The following GSTCD variants were observed in gnomAD, a reference collection of about 807,000 sequenced individuals.
The protein encoded by GSTCD is glutathione S-transferase C-terminal domain containing.
Under a neutral mutation model 68.3 loss-of-function variants are expected in GSTCD, and 44 were observed. The ratio of observed to expected loss-of-function variants is 0.64; its 90% CI spans 0.51 to 0.83. The LOEUF is 0.83. Ranked by LOEUF, GSTCD falls within the 40% of genes least tolerant of loss-of-function variation. GSTCD has a pLI of 0.00. For missense variants in GSTCD, 739 were observed against 735.9 expected, an observed-to-expected ratio of 1.00 and a Z score of -0.05; for synonymous variants, 273 against 255.2, an observed-to-expected ratio of 1.07 and a Z score of -0.67.
intron 8 of GSTCD, among the ~76,000 whole-genome samples, chr4:105,826,440 TTAAA>T (rs1723612289): frequency 6.6e-6 from 1 of 152,080 alleles, no homozygotes; most frequent in Non-Finnish European, 1.5e-5. Context: ...TATATTTGCT[TTAAA>T]TAATTTTTTT....
In GSTCD at chr4:105,825,773, A is replaced by G. The variant is rs772856722; in HGVS notation, c.1503A>G (p.Glu501=). The G allele has an allele frequency of 6.5e-7, 1 of 1,546,556 alleles. No homozygotes were observed. The highest frequency in any genetic ancestry group is 1.1e-5 in the South Asian group (1 of 88,770). The change falls in exon 8 of 12, where the codon GAA becomes GAG. Residue 501 remains glutamate (E), a synonymous_variant. Transcript: ENST00000515279. ...SNIWFIQANM[E]YFTGMFNIGV... ...TTTGGTTCATTCAAGCAAATATGGA[A>G]TATTTTACTGGGATGTTTAATATTG...
chr4:105,786,846 T>C (rs1252081705), intron 5 of GSTCD, among the ~76,000 whole-genome samples: 1 of 152,044 alleles, frequency 6.6e-6, no homozygotes, highest in African/African-American at 2.4e-5. Context: ...TAATAACAAA[T>C]GTTGGCCAGA....
intron 5 of GSTCD, among the ~76,000 whole-genome samples, chr4:105,733,143 G>T (rs1242405578): frequency 6.6e-6 from 1 of 152,190 alleles, no homozygotes; most frequent in Non-Finnish European, 1.5e-5. Flanking sequence ...GTGGTGTGGT[G>T]CTGAGAAAAA....
At chr4:105,782,705 C>G (rs1270102211) in intron 5 of GSTCD, among the ~76,000 whole-genome samples, 1 of 151,962 alleles carries the variant, frequency 6.6e-6, no homozygotes, top group Non-Finnish European at 1.5e-5. Context: ...GCCTCAGGTC[C>G]CCTAGTAGCT....
intron 8 of GSTCD, chr4:105,827,013 A>G (rs1269979559): frequency 6.6e-6 from 1 of 152,182 alleles, no homozygotes; most frequent in Non-Finnish European, 1.5e-5. Flanking sequence ...CTTTGCAGAC[A>G]CGATCTACAG....
chr4:105,765,885 G>A (rs561840911), intron 5 of GSTCD, among the ~76,000 whole-genome samples: 32 of 152,178 alleles, frequency 2.1e-4, no homozygotes, highest in East Asian at 9.7e-4. Flanking sequence ...TTCCCCTTCC[G>A]CCAGGATTGT....
At chr4:105,789,199 A>G (rs1487164943) in intron 5 of GSTCD, among the ~76,000 whole-genome samples, 1 of 152,196 alleles carries the variant, frequency 6.6e-6, no homozygotes, top group Non-Finnish European at 1.5e-5. Flanking sequence ...AAGCTCGTTT[A>G]AACCAAACTC....
At position 105,823,089 on chromosome 4, in the gene GSTCD, A is replaced by G. The variant is rs745308291; in HGVS notation, c.1356+20A>G. The G allele has an allele frequency of 6.3e-7, 1 of 1,593,506 alleles. No individual in the cohort carries two copies. The highest frequency in any genetic ancestry group is 8.6e-7 in the Non-Finnish European group (1 of 1,161,582). ...GGTGGGGTATTTTATCTCTCCTTTC[A>G]TCCTTTTTAGTCTTTCTAAGATTAT... On this transcript the variant is annotated intron_variant, in intron 6 of 11. Coordinates refer to ENST00000515279, the MANE Select transcript of GSTCD (RefSeq NM_001370181.1).
chr4:105,771,674 G>A (rs933641858), intron 5 of GSTCD, among the ~76,000 whole-genome samples: 11 of 152,056 alleles, frequency 7.2e-5, no homozygotes, highest in Non-Finnish European at 1.0e-4. Context: ...AAGATCAGAC[G>A]GTTGTAGATG....
intron 5 of GSTCD, among the ~76,000 whole-genome samples, chr4:105,822,602 A>G (rs1723357647): frequency 6.6e-6 from 1 of 152,142 alleles, no homozygotes; most frequent in Admixed American, 6.6e-5. Flanking sequence ...CATTCTGCCA[A>G]CATTAATTGG....
At chr4:105,840,088 G>C (rs891143687) in intron 10 of GSTCD, 17 of 394,432 alleles carry the variant, frequency 4.3e-5, no homozygotes, top group Admixed American at 3.3e-4. Context: ...CCTACCATGT[G>C]CCTTGCCCTT....
chr4:105,845,337 C>G, intron 11 of GSTCD, 104 bp from the exon 12 acceptor site: 1 of 1,221,000 alleles, frequency 8.2e-7, no homozygotes, highest in Non-Finnish European at 1.2e-6. Context: ...AAAGCATGCT[C>G]CATAGTACTT....
At chr4:105,813,397 A>G (rs1429299096) in intron 5 of GSTCD, among the ~76,000 whole-genome samples, 3 of 152,214 alleles carry the variant, frequency 2.0e-5, no homozygotes, top group African/African-American at 4.8e-5. Context: ...TTCCATGCAT[A>G]AGTACTTATT....
chr4:105,844,245 G>A (rs1267995193), intron 11 of GSTCD, among the ~76,000 whole-genome samples: 1 of 152,012 alleles, frequency 6.6e-6, no homozygotes. Flanking sequence ...ATTTACAGAT[G>A]TCTTAAAGGA....
chr4:105,772,182 T>C (rs1471665893), intron 5 of GSTCD, among the ~76,000 whole-genome samples: 1 of 152,186 alleles, frequency 6.6e-6, no homozygotes, highest in East Asian at 1.9e-4. Flanking sequence ...TATTGGTGCA[T>C]AGCAATGCTT....
rs1578529727 is a variant in GSTCD at position 105,842,229 on chromosome 4, G to T, written c.1765+95G>T. 6 of 909,272 alleles carry T rather than the reference G, an allele frequency of 6.6e-6. No homozygotes were observed. In the East Asian group the frequency reaches 1.5e-4, roughly 23 times the overall value. 56.3% of individuals were successfully genotyped at this position (909,272 alleles called of 1,614,324 possible). ...CTATATGGGAAAAATTTAGCAACAT[G>T]AAGTCTATTTTTCAATGAGAAACTA... On this transcript the variant is annotated intron_variant, in intron 11 of 11. Coordinates refer to ENST00000515279, the MANE Select transcript of GSTCD (RefSeq NM_001370181.1).
At chr4:105,735,537 G>A (rs1733431480) in intron 5 of GSTCD, among the ~76,000 whole-genome samples, 1 of 152,196 alleles carries the variant, frequency 6.6e-6, no homozygotes, top group South Asian at 2.1e-4. Flanking sequence ...CACTGTATTA[G>A]GGTGGGAGTG....
At chr4:105,709,288 T>G (rs1432464748) in intron 1 of GSTCD, 2 of 152,504 alleles carry the variant, frequency 1.3e-5, no homozygotes, top group Non-Finnish European at 2.9e-5. Flanking sequence ...CTTCCTCTGC[T>G]GATGGAGAAA....
chr4:105,736,959 T>C (rs1321822528), intron 5 of GSTCD, among the ~76,000 whole-genome samples: 1 of 152,184 alleles, frequency 6.6e-6, no homozygotes, highest in African/African-American at 2.4e-5. Context: ...CCATCATATA[T>C]ATGTACCACA....
Sources: gnomAD v4.1 joint callset for allele counts (sites outside exome capture counted in the v4.1 genomes callset) on GRCh38, gnomAD v4.1.1 for gene constraint, MANE v1.5 for transcripts, NCBI Gene and HGNC (gene_info 2026-07-23, HGNC 2026-07-21) for gene names.